PTPRD: variants seen among roughly 807,000 people sequenced by gnomAD.
The protein encoded by PTPRD is receptor-type tyrosine-protein phosphatase delta.
Under a neutral mutation model 214.5 loss-of-function variants are expected in PTPRD, and 34 were observed. That is an observed-to-expected ratio of 0.16 (90% confidence interval 0.12 to 0.21). The LOEUF is 0.21. Ranked by LOEUF, PTPRD falls within the 10% of genes least tolerant of loss-of-function variation. PTPRD has a pLI of 1.00. For missense variants in PTPRD, 2,545 were observed against 2,398.7 expected (o/e 1.06, Z -1.27); for synonymous variants, 1,128 against 845.7 (o/e 1.33, Z -5.79).
At chr9:9,079,809 T>G (rs925105599) in intron 10 of PTPRD, among the ~76,000 whole-genome samples, 6 of 152,086 alleles carry the variant, frequency 3.9e-5, no homozygotes, top group Admixed American at 3.3e-4. Context: ...TCAGCCCATA[T>G]GCTGTGGTTA....
chr9:9,897,755 T>C (rs2075382133), intron 5 of PTPRD, among the ~76,000 whole-genome samples: 1 of 152,140 alleles, frequency 6.6e-6, no homozygotes, highest in Non-Finnish European at 1.5e-5. Context: ...AAACTACTTA[T>C]GAGCATTTTA....
At chr9:8,498,352 T>C (rs1444782917) in intron 25 of PTPRD, among the ~76,000 whole-genome samples, 1 of 152,188 alleles carries the variant, frequency 6.6e-6, no homozygotes, top group Non-Finnish European at 1.5e-5. Context: ...CTTGGCTCAC[T>C]GCAAACTCCA....
At chr9:8,667,831 C>T (rs780819206) in intron 12 of PTPRD, among the ~76,000 whole-genome samples, 1 of 152,032 alleles carries the variant, frequency 6.6e-6, no homozygotes, top group Non-Finnish European at 1.5e-5. Flanking sequence ...ATAAGAAATA[C>T]TCAACCTGTA....
chr9:10,315,507 T>G (rs766359559), intron 3 of PTPRD, among the ~76,000 whole-genome samples: 27 of 151,934 alleles, frequency 1.8e-4, no homozygotes, highest in Middle Eastern at 3.2e-3. Flanking sequence ...ACTTTTAAAT[T>G]TATTATATGC....
At chr9:9,761,757 A>G (rs1262800026) in intron 6 of PTPRD, among the ~76,000 whole-genome samples, 2 of 152,186 alleles carry the variant, frequency 1.3e-5, no homozygotes, top group Non-Finnish European at 2.9e-5. Context: ...ATTCATTATC[A>G]TTCCATCAAA....
chr9:9,840,705 T>A (rs887168351), intron 5 of PTPRD, among the ~76,000 whole-genome samples: 1 of 125,896 alleles, frequency 7.9e-6, no homozygotes, highest in Admixed American at 1.1e-4. Context: ...AGAGCTTGCA[T>A]TGAGCCAAGA....
At chr9:9,214,622 C>T (rs1441872449) in intron 9 of PTPRD, among the ~76,000 whole-genome samples, 1 of 152,022 alleles carries the variant, frequency 6.6e-6, no homozygotes, top group South Asian at 2.1e-4. Flanking sequence ...GACAATGAGA[C>T]CTCTCTGTGA....
Position 8,864,562 on chromosome 9 carries a change from T to C in PTPRD, c.-103-130616A>G, listed in dbSNP as rs529575841. 2.6e-5 allele frequency among the ~76,000 whole-genome samples: 4 copies of C among 152,358 alleles called. No homozygotes were observed. In the South Asian group the frequency reaches 8.3e-4, roughly 32 times the overall value. ...GCACTAACACAGAACCATGAAATTA[T>C]TTTTAAAGGTTCTTTCTAACAGGGT... On this transcript the variant is annotated intron_variant, in intron 11 of 45. Coordinates refer to ENST00000381196, the MANE Select transcript of PTPRD (RefSeq NM_002839.4).
At chr9:9,514,532 C>T (rs1280205905) in intron 8 of PTPRD, among the ~76,000 whole-genome samples, 3 of 152,012 alleles carry the variant, frequency 2.0e-5, no homozygotes, top group South Asian at 2.1e-4. Context: ...TTCCTGCCTT[C>T]CGAGGAGTTC....
At chr9:9,973,146 T>C (rs544831673) in intron 4 of PTPRD, among the ~76,000 whole-genome samples, 5 of 152,076 alleles carry the variant, frequency 3.3e-5, no homozygotes, top group Middle Eastern at 6.8e-3. Flanking sequence ...GGGTTAACTT[T>C]TTGAACAGTA....
intron 5 of PTPRD, among the ~76,000 whole-genome samples, chr9:9,883,231 A>C (rs902726781): frequency 6.6e-6 from 1 of 152,162 alleles, no homozygotes; most frequent in African/African-American, 2.4e-5. Context: ...GCCCCAGATA[A>C]GTTTATTTTT....
chr9:8,873,960 G>A (rs192667204), intron 11 of PTPRD, among the ~76,000 whole-genome samples: 3 of 152,130 alleles, frequency 2.0e-5, no homozygotes, highest in African/African-American at 4.8e-5. Context: ...AACATAATAC[G>A]GAGTCTCTAT....
chr9:10,546,011 T>A (rs967657383), intron 2 of PTPRD, among the ~76,000 whole-genome samples: 1 of 151,832 alleles, frequency 6.6e-6, no homozygotes, highest in African/African-American at 2.4e-5. Flanking sequence ...CAAAGTAACA[T>A]TTTTTTTAAA....
intron 9 of PTPRD, among the ~76,000 whole-genome samples, chr9:9,353,335 C>G (rs1373929697): frequency 2.0e-5 from 3 of 151,838 alleles, no homozygotes; most frequent in East Asian, 1.9e-4. Flanking sequence ...GACTTTAGAG[C>G]AACAGAACTA....
intron 9 of PTPRD, among the ~76,000 whole-genome samples, chr9:9,392,786 T>C (rs765897197): frequency 2.0e-5 from 3 of 152,176 alleles, no homozygotes; most frequent in African/African-American, 4.8e-5. Flanking sequence ...TCTTCAACAA[T>C]ATTTTGTAGT....
intron 4 of PTPRD, among the ~76,000 whole-genome samples, chr9:9,970,441 AAAG>A (rs1393767620): frequency 9.2e-6 from 1 of 109,276 alleles, no homozygotes; most frequent in African/African-American, 3.8e-5. Context: ...AAAAAAAAAA[AAAG>A]AAAAAGAAAA....
intron 12 of PTPRD, among the ~76,000 whole-genome samples, chr9:8,708,272 G>C (rs569681772): frequency 1.3e-5 from 2 of 152,110 alleles, no homozygotes; most frequent in African/African-American, 4.8e-5. Flanking sequence ...ACAAAAGGTA[G>C]GTGTTGGTGA....
At chr9:9,870,348 T>C (rs1224865304) in intron 5 of PTPRD, among the ~76,000 whole-genome samples, 2 of 151,908 alleles carry the variant, frequency 1.3e-5, no homozygotes, top group African/African-American at 4.8e-5. Context: ...AAAGAAGAAA[T>C]AAAATAATGA....
chr9:10,141,968 C>A (rs971909127), intron 3 of PTPRD, among the ~76,000 whole-genome samples: 8 of 152,014 alleles, frequency 5.3e-5, no homozygotes, highest in Admixed American at 2.0e-4. Flanking sequence ...GAAATAAGGC[C>A]GCATATCTAC....
Sources: allele counts gnomAD v4.1 joint callset (sites outside exome capture counted in the v4.1 genomes callset), GRCh38; gene constraint gnomAD v4.1.1; transcripts MANE v1.5; gene names NCBI Gene and HGNC (gene_info 2026-07-23, HGNC 2026-07-21).